BCL7C: variants seen among roughly 807,000 people sequenced by gnomAD.
The protein encoded by BCL7C is BAF chromatin remodeling complex subunit BCL7C, also known as B-cell CLL/lymphoma 7 protein family member C.
A neutral mutation model predicts 26.2 loss-of-function variants in BCL7C; 8 were observed. The ratio of observed to expected loss-of-function variants is 0.30; its 90% CI spans 0.18 to 0.55. The LOEUF is 0.55. BCL7C is among the 20% of genes least tolerant of loss of function. The probability of loss-of-function intolerance (pLI) is 0.93; values close to 1 mark genes in which losing one functional copy is unlikely to be tolerated. For missense variants in BCL7C, 262 were observed against 298.5 expected (o/e 0.88, Z 0.90); for synonymous variants, 90 against 116.5 (o/e 0.77, Z 1.47).
At chr16:30,836,805 G>GT (rs2054572315) in intron 5 of BCL7C, among the ~76,000 whole-genome samples, 1 of 143,394 alleles carries the variant, frequency 7.0e-6, no homozygotes, top group Non-Finnish European at 1.5e-5. Flanking sequence ...TTTTTTTTTT[G>GT]TTTTTTGAGA....
chr16:30,845,395 C>T (rs2054627848), intron 5 of BCL7C, among the ~76,000 whole-genome samples: 1 of 152,194 alleles, frequency 6.6e-6, no homozygotes, highest in Non-Finnish European at 1.5e-5. Context: ...TGCTTGACTC[C>T]TCTAATAGCC....
chr16:30,868,095 A>G (rs1482857542), intron 5 of BCL7C, among the ~76,000 whole-genome samples: 1 of 151,068 alleles, frequency 6.6e-6, no homozygotes, highest in African/African-American at 2.4e-5. Context: ...GTCAGACTTC[A>G]GACCTACGGA....
chr16:30,841,953 C>CAAAAAAA (rs1183661130), intron 5 of BCL7C, among the ~76,000 whole-genome samples: 1 of 22,244 alleles, frequency 4.5e-5, no homozygotes, highest in Non-Finnish European at 8.8e-5. Context: ...GACTCCATCT[C>CAAAAAAA]AAAAAAAAAA....
intron 5 of BCL7C, among the ~76,000 whole-genome samples, chr16:30,865,185 A>AG (rs939785869): frequency 6.6e-6 from 1 of 151,562 alleles, no homozygotes; most frequent in African/African-American, 2.4e-5. Flanking sequence ...AAAAAAAAAA[A>AG]AAAAAAAAGT....
intron 5 of BCL7C, among the ~76,000 whole-genome samples, chr16:30,835,306 G>A (rs879572903): frequency 5.3e-5 from 8 of 152,194 alleles, no homozygotes; most frequent in Non-Finnish European, 1.2e-4. Flanking sequence ...CAGGCAGAGG[G>A]TGAGGCAGGG....
intron 5 of BCL7C, among the ~76,000 whole-genome samples, chr16:30,875,034 C>G (rs2054925214): frequency 6.6e-6 from 1 of 152,218 alleles, no homozygotes; most frequent in Admixed American, 6.5e-5. Flanking sequence ...CGCCCTCCTT[C>G]CCGGCCTCAT....
intron 5 of BCL7C, chr16:30,835,156 G>A (rs1277161712): frequency 4.8e-6 from 7 of 1,470,446 alleles, no homozygotes; most frequent in East Asian, 2.6e-5. Flanking sequence ...ATCCTGTACG[G>A]AGAAAAGAAG....
chr16:30,853,385 C>T (rs1442126245), intron 5 of BCL7C, among the ~76,000 whole-genome samples: 1 of 152,166 alleles, frequency 6.6e-6, no homozygotes, highest in African/African-American at 2.4e-5. Flanking sequence ...CATCGTGCCC[C>T]ACTGGAAGGT....
chr16:30,877,690 C>T (rs1014565781), intron 5 of BCL7C, among the ~76,000 whole-genome samples: 12 of 151,956 alleles, frequency 7.9e-5, no homozygotes, highest in Admixed American at 2.0e-4. Context: ...CCACCCGCCT[C>T]GGCCTCCCAA....
At chr16:30,884,417 C>G (rs1298857487), downstream of BCL7C, among the ~76,000 whole-genome samples, 1 of 151,756 alleles carries the variant, frequency 6.6e-6, no homozygotes, top group Admixed American at 6.6e-5. Context: ...AAGGCTGTCT[C>G]TCCATGTGTG....
chr16:30,890,354 A>G (rs989282151), intron 4 of BCL7C, among the ~76,000 whole-genome samples: 1 of 151,810 alleles, frequency 6.6e-6, no homozygotes, highest in African/African-American at 2.4e-5. Context: ...AGATCGTGCC[A>G]CTGCACTCCA....
intron 5 of BCL7C, among the ~76,000 whole-genome samples, chr16:30,846,517 G>A (rs956733560): frequency 1.3e-5 from 2 of 152,080 alleles, no homozygotes; most frequent in Non-Finnish European, 2.9e-5. Context: ...ATGAGCCACT[G>A]CGCCCGGCTT....
rs1250174864 is a variant in BCL7C at position 30,889,905 on chromosome 16, G to A, written c.443-960C>T. On this transcript the variant is annotated intron_variant, in intron 4 of 5. Coordinates refer to ENST00000215115, the MANE Select transcript of BCL7C (RefSeq NM_004765.4). Reference sequence around the variant, plus strand: ...CACGCCTCTGCATTCCAGCCTGGGCGACAGAGTGAGACCTTGTCTCAAAAA... The same window carrying A: ...CACGCCTCTGCATTCCAGCCTGGGCAACAGAGTGAGACCTTGTCTCAAAAA... Among the ~76,000 whole-genome samples the A allele has an allele frequency of 5.6e-5, 8 of 143,300 alleles. No individual in the cohort carries two copies. In the South Asian group the frequency reaches 1.8e-3, roughly 32 times the overall value. The allele number at this position is 143,300 out of a possible 152,430, so 94.0% of individuals were successfully genotyped here. A position where few individuals can be genotyped will look rare whatever the true frequency, so the allele number is the denominator to read the frequency against.
At chr16:30,840,710 T>C (rs2054596469) in intron 5 of BCL7C, 1 of 152,196 alleles carries the variant, frequency 6.6e-6, no homozygotes, top group Non-Finnish European at 1.5e-5. Context: ...TCAGCATGGC[T>C]GGAGAGGTCC....
At chr16:30,888,635 T>C (rs1045885595) in intron 5 of BCL7C, 5 of 384,778 alleles carry the variant, frequency 1.3e-5, no homozygotes, top group African/African-American at 1.0e-4. Flanking sequence ...ACGCCCAGCT[T>C]TGTCAGGCTT....
chr16:30,856,439 T>TAAAA (rs61380254), intron 5 of BCL7C, among the ~76,000 whole-genome samples: 2 of 116,544 alleles, frequency 1.7e-5, no homozygotes, highest in African/African-American at 6.7e-5. Flanking sequence ...AGACTCCGTC[T>TAAAA]AAAAAAAAAA....
intron 5 of BCL7C, among the ~76,000 whole-genome samples, chr16:30,864,606 A>G (rs4889628): frequency 0.98 from 149,392 of 152,132 alleles, 73,398 homozygotes; most frequent in Middle Eastern, 1. Context: ...AAAAATTTTC[A>G]CCGCCCCAAC....
chr16:30,846,418 G>A (rs1361070392), intron 5 of BCL7C, among the ~76,000 whole-genome samples: 1 of 151,548 alleles, frequency 6.6e-6, no homozygotes, highest in South Asian at 2.1e-4. Flanking sequence ...TAGTAGAGAC[G>A]GGGTTTCACT....
chr16:30,873,098 A>G (rs200661016), intron 5 of BCL7C, among the ~76,000 whole-genome samples: 1 of 151,222 alleles, frequency 6.6e-6, no homozygotes, highest in Non-Finnish European at 1.5e-5. Flanking sequence ...ATTCAAAAGG[A>G]AACTTTAACC....
Sources: gnomAD v4.1 joint callset for allele counts (sites outside exome capture counted in the v4.1 genomes callset) on GRCh38, gnomAD v4.1.1 for gene constraint, MANE v1.5 for transcripts, NCBI Gene and HGNC (gene_info 2026-07-23, HGNC 2026-07-21) for gene names.